The following CALML4 variants were observed in gnomAD, a reference collection of about 807,000 sequenced individuals.
CALML4 encodes the protein calmodulin-like protein 4.
Under a neutral mutation model 17.9 loss-of-function variants are expected in CALML4, and 16 were observed. The ratio of observed to expected loss-of-function variants is 0.89; its 90% CI spans 0.61 to 1.36. CALML4 has a LOEUF of 1.36. Among genes scored for constraint, CALML4 ranks in the 40% most tolerant of loss-of-function variants. CALML4 has a pLI of 0.00. For synonymous variants in CALML4, 86 were observed against 71.5 expected, an observed-to-expected ratio of 1.20 and a Z score of -1.02; for missense variants, 203 against 194.8, an observed-to-expected ratio of 1.04 and a Z score of -0.25.
rs1162269404 is a variant in CALML4 at position 68,192,303 on chromosome 15, G to A, written c.*1712C>T. The A allele has an allele frequency of 6.6e-6, 1 of 152,134 alleles. No individual in the cohort carries two copies. The highest frequency in any genetic ancestry group is 2.1e-4 in the South Asian group (1 of 4,824). The allele number at this position is 152,134 out of a possible 1,614,324, so 9.4% of individuals were successfully genotyped here. A position where few individuals can be genotyped will look rare whatever the true frequency, so the allele number is the denominator to read the frequency against. ...GCCCTCTGGTGGATTTACCATGAAG[G>A]TAATGAAGTTTAAGCACCAGGACCC... On this transcript the variant is annotated 3_prime_UTR_variant, in exon 5 of 5. Coordinates refer to ENST00000467889, the MANE Select transcript of CALML4 (RefSeq NM_033429.3).
At chr15:68,205,513 A>C, upstream of CALML4, 3 of 1,068,964 alleles carry the variant, frequency 2.8e-6, no homozygotes, top group Non-Finnish European at 2.7e-6. The surrounding 1 kb of genome is among the most constrained non-coding windows in gnomAD (Gnocchi z 4.8). Flanking sequence ...CTCTGCCTCC[A>C]GAAGCCGAAG....
rs1296210034 is a variant in CALML4 at position 68,193,548 on chromosome 15, A to G, written c.*467T>C. 2.6e-5 allele frequency: 4 copies of G among 153,666 alleles called. No homozygotes were observed. Among genetic ancestry groups the G allele is most frequent in the African/African-American group, 9.6e-5 (4 of 41,492 alleles). 9.5% of individuals were successfully genotyped at this position (153,666 alleles called of 1,614,324 possible). ...TGGCTTCATCTTGGAAAATCTTGGA[A>G]ATATGGAAGATGGTTCTAGCCCCCA... On this transcript the variant is annotated 3_prime_UTR_variant, in exon 5 of 5. Coordinates refer to ENST00000467889, the MANE Select transcript of CALML4 (RefSeq NM_033429.3).
At chr15:68,201,116 C>T (rs1308016911) in intron 2 of CALML4, among the ~76,000 whole-genome samples, 2 of 152,220 alleles carry the variant, frequency 1.3e-5, no homozygotes, top group African/African-American at 2.4e-5. Flanking sequence ...TCACTAAAGA[C>T]AGGCAGATCG....
chr15:68,197,472 G>GT lies in CALML4; in HGVS notation c.331dup (p.Thr111AsnfsTer14). On this transcript the variant is annotated frameshift_variant, in exon 4 of 5. Coordinates refer to ENST00000467889, the MANE Select transcript of CALML4 (RefSeq NM_033429.3). LOFTEE classifies it high-confidence loss of function. This position sits in a 1 kb window ranked among gnomAD's most constrained non-coding sequence, Gnocchi z 4.1. The stretch of plus-strand genomic sequence containing the variant: ...GTGGGTGAGCTTCTCCCCCAGACTC[G>GT]TGAGTTTTGACCGCAGGTCGGACGC... 1.2e-6 allele frequency: 2 copies of GT among 1,614,082 alleles called. No individual in the cohort carries two copies. Among genetic ancestry groups the GT allele is most frequent in the East Asian group, 2.2e-5 (1 of 44,856 alleles).
intron 2 of CALML4, chr15:68,199,922 A>T: frequency 2.7e-6 from 1 of 368,016 alleles, no homozygotes. Context: ...CATAGGACAT[A>T]TACTTCTATT....
chr15:68,200,946 C>T lies in CALML4; in HGVS notation c.35-1265G>A, dbSNP rs1016112436. 3.9e-5 allele frequency among the ~76,000 whole-genome samples: 6 copies of T among 152,092 alleles called. No homozygotes were observed. Among genetic ancestry groups the T allele is most frequent in the African/African-American group, 1.2e-4 (5 of 41,412 alleles). On this transcript the variant is annotated intron_variant, in intron 2 of 4. Transcript: ENST00000467889. The surrounding 1 kb of genome is among the most constrained non-coding windows in gnomAD (Gnocchi z 4.3). ...CCTGGCTGTGGGCAGCTCTGCCCAC[C>T]AGGCCACACTGCCTTCGGTTCCAGG...
chr15:68,204,808 T>C lies in CALML4; in HGVS notation c.34+313A>G, dbSNP rs2141131806. On this transcript the variant is annotated intron_variant, in intron 2 of 4. Transcript: ENST00000467889. This position sits in a 1 kb window ranked among gnomAD's most constrained non-coding sequence, Gnocchi z 6.0. ...CTGCTGCCAGCCATACCTTTAATGG[T>C]CTCTCTCTCCATCCCCAGTCCCCTC... Among the ~76,000 whole-genome samples the C allele has an allele frequency of 6.6e-6, 1 of 152,134 alleles. No individual in the cohort carries two copies. The highest frequency in any genetic ancestry group is 1.5e-5 in the Non-Finnish European group (1 of 67,978).
In CALML4 at chr15:68,197,479, T is replaced by G. The variant is rs1218265584; in HGVS notation, c.325A>C (p.Lys109Gln). 2 of 1,614,178 alleles carry G rather than the reference T, an allele frequency of 1.2e-6. No individual in the cohort carries two copies. The highest frequency in any genetic ancestry group is 1.6e-4 in the Middle Eastern group (1 of 6,062). Residue 109 changes from lysine (K) to glutamine (Q), a missense_variant, in exon 4 of 5, where the codon AAA (lysine) becomes CAA (glutamine). Physicochemically the swap from Lys to Gln is moderately conservative, Grantham distance 53. Coordinates refer to ENST00000467889, the MANE Select transcript of CALML4 (RefSeq NM_033429.3). This position sits in a 1 kb window ranked among gnomAD's most constrained non-coding sequence, Gnocchi z 4.1. The stretch of plus-strand genomic sequence containing the variant: ...AGCTTCTCCCCCAGACTCGTGAGTT[T>G]TGACCGCAGGTCGGACGCCATGACG... ...GYVMASDLRS[K>Q]LTSLGEKLTH...
Position 68,197,314 on chromosome 15 carries a change from A to G in CALML4, c.364+126T>C, listed in dbSNP as rs2093148415. The stretch of plus-strand genomic sequence containing the variant: ...CCCACCTAGTGTGGCATCTGCTCAC[A>G]GTCTCCTGCGCGCGCATCAACAGAG... On this transcript the variant is annotated intron_variant, in intron 4 of 4. Coordinates refer to ENST00000467889, the MANE Select transcript of CALML4 (RefSeq NM_033429.3). The surrounding 1 kb of genome is among the most constrained non-coding windows in gnomAD (Gnocchi z 4.1). The G allele has an allele frequency of 1.2e-6, 1 of 836,012 alleles. No individual in the cohort carries two copies. The highest frequency in any genetic ancestry group is 1.9e-6 in the Non-Finnish European group (1 of 534,542). 51.8% of individuals were successfully genotyped at this position (836,012 alleles called of 1,614,324 possible).
At position 68,197,561 on chromosome 15, in the gene CALML4, GTCT is replaced by G. The variant is rs774166047; in HGVS notation, c.240_242del (p.Glu80del). 36 of 1,613,964 alleles carry G rather than the reference GTCT, an allele frequency of 2.2e-5. No homozygotes were observed. Among genetic ancestry groups the G allele is most frequent in the Non-Finnish European group, 2.6e-5 (31 of 1,180,002 alleles). On this transcript the variant is annotated inframe_deletion, in exon 4 of 5. Transcript: ENST00000467889. This position sits in a 1 kb window ranked among gnomAD's most constrained non-coding sequence, Gnocchi z 4.1. ...TGGCTAGAAGAATTTCTTTCTTTGG[GTCT>G]TCTTGTTTTATTTGCATGTGCATAA...
rs1207276212 is a variant in CALML4, at chr15:68,204,289, C to T, written c.34+832G>A. Among the ~76,000 whole-genome samples the T allele has an allele frequency of 6.6e-6, 1 of 152,186 alleles. No individual in the cohort carries two copies. The highest frequency in any genetic ancestry group is 1.5e-5 in the Non-Finnish European group (1 of 68,032). Reference sequence around the variant, plus strand: ...GGGCCCAAGGTGCCTGTAATTTTATCTCCAGTGGTCAGCGAAGGACTCACT... The same window carrying T: ...GGGCCCAAGGTGCCTGTAATTTTATTTCCAGTGGTCAGCGAAGGACTCACT... On this transcript the variant is annotated intron_variant, in intron 2 of 4. Transcript: ENST00000467889. The surrounding 1 kb of genome is among the most constrained non-coding windows in gnomAD (Gnocchi z 6.0).
intron 2 of CALML4, among the ~76,000 whole-genome samples, chr15:68,201,876 C>T (rs1401486426): frequency 2.0e-5 from 3 of 152,208 alleles, no homozygotes; most frequent in Non-Finnish European, 4.4e-5. Flanking sequence ...TCTTCACTCT[C>T]CCTCCTCACC....
rs749423703 is a variant in CALML4 at position 68,200,869 on chromosome 15, C to T, written c.35-1188G>A. 4.6e-5 allele frequency among the ~76,000 whole-genome samples: 7 copies of T among 152,158 alleles called. No homozygotes were observed. Among genetic ancestry groups the T allele is most frequent in the Non-Finnish European group, 8.8e-5 (6 of 68,020 alleles). ...TCATCCCCACAACCCTGTGATGCGC[C>T]CCCTCATATTCCCATGTGCGGACAG... On this transcript the variant is annotated intron_variant, in intron 2 of 4. Transcript: ENST00000467889. This position sits in a 1 kb window ranked among gnomAD's most constrained non-coding sequence, Gnocchi z 4.3.
rs1389207124 is a variant in CALML4, at chr15:68,205,147, T to C, written c.8A>G (p.Lys3Arg). 6.2e-7 allele frequency: 1 copy of C among 1,614,110 alleles called. No homozygotes were observed. Among genetic ancestry groups the C allele is most frequent in the East Asian group, 2.2e-5 (1 of 44,868 alleles). The change falls in exon 2 of 5, where the codon AAG (lysine) becomes AGG (arginine). Residue 3 changes from lysine (K) to arginine (R), a missense_variant. By Grantham distance (26) the Lys-to-Arg change is conservative. Coordinates refer to ENST00000467889, the MANE Select transcript of CALML4 (RefSeq NM_033429.3). The surrounding 1 kb of genome is among the most constrained non-coding windows in gnomAD (Gnocchi z 4.8). Reference sequence around the variant, plus strand: ...ATTAATTTGGTCTTGGGAAAGAAACTTGGCCTGCAGCAGAGAAAGGAAAAC... The same window carrying C: ...ATTAATTTGGTCTTGGGAAAGAAACCTGGCCTGCAGCAGAGAAAGGAAAAC... MA[K>R]FLSQDQINEY...
chr15:68,199,670 A>C lies in CALML4; in HGVS notation c.46T>G (p.Cys16Gly). 6.2e-7 allele frequency: 1 copy of C among 1,613,042 alleles called. No homozygotes were observed. The highest frequency in any genetic ancestry group is 8.5e-7 in the Non-Finnish European group (1 of 1,179,858). Residue 16 changes from cysteine to glycine, a missense_variant, in exon 3 of 5, where the codon TGC (cysteine) becomes GGC (glycine). By Grantham distance (159) the Cys-to-Gly change is radical. Coordinates refer to ENST00000467889, the MANE Select transcript of CALML4 (RefSeq NM_033429.3). ...TGCTGCTTGTCATACAGGGAGAAGC[A>C]TTCCTTGTACTCTGCACACGGCCCA... The part of the protein sequence containing the change: ...SQDQINEYKE[C>G]FSLYDKQQRG...
chr15:68,194,724 C>A (rs1177566602), intron 4 of CALML4, among the ~76,000 whole-genome samples: 4 of 151,920 alleles, frequency 2.6e-5, no homozygotes, highest in Non-Finnish European at 4.4e-5. Context: ...GAAAATATGA[C>A]CCCTGTGCCC....
At chr15:68,194,933 T>A (rs1482620692) in intron 4 of CALML4, among the ~76,000 whole-genome samples, 14 of 134,734 alleles carry the variant, frequency 1.0e-4, no homozygotes, top group East Asian at 2.4e-4. Flanking sequence ...CCATCACCTC[T>A]AAAAAAAAAA....
At chr15:68,194,231 TGTAGACCAGGAA>T in intron 4 of CALML4, 119 bp from the exon 5 acceptor site, 1 of 682,206 alleles carries the variant, frequency 1.5e-6, no homozygotes, top group Non-Finnish European at 2.6e-6. Flanking sequence ...TGACTATTCC[TGTAGACCAGGAA>T]GTAAACCAGT....
At position 68,197,378 on chromosome 15, in the gene CALML4, G is replaced by C; in HGVS notation, c.364+62C>G. ...CCCTGGTGGCATCAGCTAGGCTTTG[G>C]TGCCCTCCTTCCAACTCCCTAACCC... is the stretch of plus-strand genomic sequence containing the variant. On this transcript the variant is annotated intron_variant, in intron 4 of 4. Coordinates refer to ENST00000467889, the MANE Select transcript of CALML4 (RefSeq NM_033429.3). This position sits in a 1 kb window ranked among gnomAD's most constrained non-coding sequence, Gnocchi z 4.1. The C allele has an allele frequency of 6.5e-7, 1 of 1,529,290 alleles. No homozygotes were observed. The highest frequency in any genetic ancestry group is 8.9e-7 in the Non-Finnish European group (1 of 1,123,122). 94.7% of individuals were successfully genotyped at this position (1,529,290 alleles called of 1,614,324 possible).
Sources: allele counts gnomAD v4.1 joint callset (sites outside exome capture counted in the v4.1 genomes callset), GRCh38; gene constraint gnomAD v4.1.1; non-coding constraint Gnocchi (gnomAD v3.1); transcripts MANE v1.5; gene names NCBI Gene and HGNC (gene_info 2026-07-23, HGNC 2026-07-21).